Variants in SLC6A4 observed in about 807,000 individuals in gnomAD.
The protein encoded by SLC6A4 is sodium-dependent serotonin transporter.
A neutral mutation model predicts 73.4 loss-of-function variants in SLC6A4; 22 were observed. The ratio of observed to expected loss-of-function variants is 0.30; its 90% CI spans 0.21 to 0.43. SLC6A4 has a LOEUF of 0.43. SLC6A4 is among the 20% of genes least tolerant of loss of function. SLC6A4 has a pLI of 1.00. For synonymous variants in SLC6A4, 270 were observed against 315.5 expected, an observed-to-expected ratio of 0.86 and a Z score of 1.53; for missense variants, 593 against 808.5, an observed-to-expected ratio of 0.73 and a Z score of 3.23.
Position 30,215,602 on chromosome 17 carries a change from G to T in SLC6A4, c.1076+9C>A. 1.2e-6 allele frequency: 2 copies of T among 1,608,752 alleles called. No individual in the cohort carries two copies. The highest frequency in any genetic ancestry group is 1.7e-6 in the Non-Finnish European group (2 of 1,175,050). On this transcript the variant is annotated intron_variant, in intron 8 of 14. Coordinates refer to ENST00000650711, the MANE Select transcript of SLC6A4 (RefSeq NM_001045.6). ...TTTCAAGCTTTGCTTGGGGACCCCA[G>T]ATACTCACTGGTAGCAGTTGTTGTT... is the stretch of plus-strand genomic sequence containing the variant.
chr17:30,218,075 G>A, intron 5 of SLC6A4, 43 bp downstream of exon 5: 1 of 1,536,100 alleles, frequency 6.5e-7, no homozygotes, highest in Non-Finnish European at 9.0e-7. Context: ...CCAGGGGTGT[G>A]GCCTGCCCCT....
intron 8 of SLC6A4, among the ~76,000 whole-genome samples, chr17:30,213,776 T>A (rs1048745210): frequency 6.6e-6 from 1 of 152,124 alleles, no homozygotes; most frequent in Admixed American, 6.5e-5. Flanking sequence ...AGATAGGGTC[T>A]CCCTCTGTTG....
chr17:30,209,862 G>A (rs760692404), intron 11 of SLC6A4, among the ~76,000 whole-genome samples: 2 of 152,018 alleles, frequency 1.3e-5, no homozygotes, highest in African/African-American at 2.4e-5. Flanking sequence ...CTGTGGACAC[G>A]ACCCTGGAGA....
chr17:30,221,010 T>A (rs866402067), intron 3 of SLC6A4, among the ~76,000 whole-genome samples: 3 of 142,656 alleles, frequency 2.1e-5, no homozygotes, highest in African/African-American at 8.0e-5. Flanking sequence ...AGAGTCTCGC[T>A]CTGTCGCCTA....
intron 8 of SLC6A4, among the ~76,000 whole-genome samples, chr17:30,213,611 A>G (rs992124688): frequency 6.6e-6 from 1 of 152,174 alleles, no homozygotes; most frequent in African/African-American, 2.4e-5. Flanking sequence ...CTTAGGGTAC[A>G]TGTGAATCTC....
chr17:30,196,153 T>C lies in SLC6A4; in HGVS notation c.*2303A>G, dbSNP rs201453155. Reference sequence around the variant, plus strand: ...TTCTTACTGATACAAGAAAAAAAACTTCAGTCCTTAAATAATGTTACAATT... The same window carrying C: ...TTCTTACTGATACAAGAAAAAAAACCTCAGTCCTTAAATAATGTTACAATT... On this transcript the variant is annotated 3_prime_UTR_variant, in exon 15 of 15. Transcript: ENST00000650711. The C allele has an allele frequency of 6.6e-6, 1 of 152,076 alleles. No individual in the cohort carries two copies. Among genetic ancestry groups the C allele is most frequent in the Non-Finnish European group, 1.5e-5 (1 of 68,022 alleles). 9.4% of individuals were successfully genotyped at this position (152,076 alleles called of 1,614,324 possible). A position where few individuals can be genotyped will look rare whatever the true frequency, so the allele number is the denominator to read the frequency against.
rs1009609755 is a variant in SLC6A4 at position 30,196,008 on chromosome 17, G to A, written c.*2448C>T. ...ATTTTCTGTATTTTTAATAGAGACG[G>A]CGTTTCACTATGTTGGCCAAGCTGG... On this transcript the variant is annotated 3_prime_UTR_variant, in exon 15 of 15. Coordinates refer to ENST00000650711, the MANE Select transcript of SLC6A4 (RefSeq NM_001045.6). 1 of 151,734 alleles carries A rather than the reference G, an allele frequency of 6.6e-6. No individual in the cohort carries two copies. The highest frequency in any genetic ancestry group is 6.6e-5 in the Admixed American group (1 of 15,228). The allele number at this position is 151,734 out of a possible 1,614,324, so 9.4% of individuals were successfully genotyped here.
In SLC6A4 at chr17:30,235,162, G is replaced by C. The variant is rs1907230398; in HGVS notation, c.-221+451C>G. Among the ~76,000 whole-genome samples the C allele has an allele frequency of 6.6e-6, 1 of 152,138 alleles. No homozygotes were observed. The highest frequency in any genetic ancestry group is 1.5e-5 in the Non-Finnish European group (1 of 68,026). ...TTTCTCTAGCTGTCTGGGCATTTGT[G>C]TCAACCAGAACTCTCCCTTTGCATA... On this transcript the variant is annotated intron_variant, in intron 1 of 14. Transcript: ENST00000650711. The surrounding 1 kb of genome is among the most constrained non-coding windows in gnomAD (Gnocchi z 4.5).
chr17:30,227,407 C>G (rs867308857), intron 1 of SLC6A4, among the ~76,000 whole-genome samples: 3 of 151,916 alleles, frequency 2.0e-5, no homozygotes, highest in Non-Finnish European at 4.4e-5. Flanking sequence ...ACAGCCATCT[C>G]CTTATCCAAA....
At chr17:30,222,998 C>T (rs1238770630) in intron 1 of SLC6A4, 83 bp from the exon 2 acceptor site, 1 of 444,374 alleles carries the variant, frequency 2.3e-6, no homozygotes, top group Admixed American at 2.5e-5. Flanking sequence ...AGGGCCTGGC[C>T]GGGGCTGCTG....
At position 30,235,027 on chromosome 17, in the gene SLC6A4, G is replaced by GT. The variant is rs1907225980; in HGVS notation, c.-221+585dup. Among the ~76,000 whole-genome samples, 1 of 152,142 alleles carries GT rather than the reference G, an allele frequency of 6.6e-6. No individual in the cohort carries two copies. The highest frequency in any genetic ancestry group is 6.5e-5 in the Admixed American group (1 of 15,282). On this transcript the variant is annotated intron_variant, in intron 1 of 14. Transcript: ENST00000650711. The surrounding 1 kb of genome is among the most constrained non-coding windows in gnomAD (Gnocchi z 4.5). The stretch of plus-strand genomic sequence containing the variant: ...ACGTAGCACAGTCGTTGGAGTTGGA[G>GT]TTTCACATACATTCTGAATGGCCTG...
intron 1 of SLC6A4, among the ~76,000 whole-genome samples, chr17:30,231,201 T>C (rs1005382401): frequency 6.6e-6 from 1 of 152,026 alleles, no homozygotes; most frequent in Non-Finnish European, 1.5e-5. Flanking sequence ...TGGAAATCTG[T>C]GTTGAAGTAT....
intron 1 of SLC6A4, among the ~76,000 whole-genome samples, chr17:30,226,474 C>A (rs1388309791): frequency 6.6e-6 from 1 of 152,148 alleles, no homozygotes; most frequent in East Asian, 1.9e-4. Context: ...CCAAGGCGGG[C>A]GGATCACCTG....
chr17:30,227,426 C>A (rs764655070), intron 1 of SLC6A4, among the ~76,000 whole-genome samples: 1 of 151,972 alleles, frequency 6.6e-6, no homozygotes, highest in Non-Finnish European at 1.5e-5. Flanking sequence ...AAGGATTCCT[C>A]ATATGACAGA....
At chr17:30,232,827 A>G (rs1186158095) in intron 1 of SLC6A4, among the ~76,000 whole-genome samples, 4 of 152,208 alleles carry the variant, frequency 2.6e-5, no homozygotes, top group Admixed American at 1.3e-4. Flanking sequence ...GGCTGAAGGG[A>G]GCAGCCCCTG....
rs774719786 is a variant in SLC6A4, at chr17:30,211,453, G to A, written c.1205-29C>T. On this transcript the variant is annotated intron_variant, in intron 9 of 14. Transcript: ENST00000650711. This position sits in a 1 kb window ranked among gnomAD's most constrained non-coding sequence, Gnocchi z 4.0. ...AGACAGAGGGGAGAGAGGAGGAGGT[G>A]GTTGACAAGACCTGTCCTACAAAGA... 2.1e-6 allele frequency: 3 copies of A among 1,401,344 alleles called. No homozygotes were observed. In the South Asian group the frequency reaches 3.5e-5, roughly 16 times the overall value. The allele number at this position is 1,401,344 out of a possible 1,614,324, so 86.8% of individuals were successfully genotyped here.
At position 30,219,005 on chromosome 17, in the gene SLC6A4, G is replaced by A. The variant is rs777434038; in HGVS notation, c.344-74C>T. 1.7e-5 allele frequency: 26 copies of A among 1,571,454 alleles called. No individual in the cohort carries two copies. In the Admixed American group the frequency reaches 3.3e-4, roughly 20 times the overall value. On this transcript the variant is annotated intron_variant, in intron 3 of 14. Coordinates refer to ENST00000650711, the MANE Select transcript of SLC6A4 (RefSeq NM_001045.6). ...GATAGCCCAACCAATCTGTGACTGA[G>A]AATCACAGTCGCCGGATGATGTGAG...
At chr17:30,232,204 C>T (rs1162582004) in intron 1 of SLC6A4, among the ~76,000 whole-genome samples, 2 of 152,214 alleles carry the variant, frequency 1.3e-5, no homozygotes, top group Admixed American at 6.5e-5. Context: ...CACGTACTTG[C>T]CCCCTCCTGC....
intron 1 of SLC6A4, among the ~76,000 whole-genome samples, chr17:30,234,252 G>T (rs889630573): frequency 4.6e-5 from 7 of 152,110 alleles, no homozygotes; most frequent in Non-Finnish European, 7.4e-5. Context: ...CTGTGCTGGT[G>T]GTTATATCTC....
Sources: allele counts gnomAD v4.1 joint callset (sites outside exome capture counted in the v4.1 genomes callset), GRCh38; gene constraint gnomAD v4.1.1; non-coding constraint Gnocchi (gnomAD v3.1); transcripts MANE v1.5; gene names NCBI Gene and HGNC (gene_info 2026-07-23, HGNC 2026-07-21).